SZRD1: variants seen among roughly 807,000 people sequenced by gnomAD.
The protein encoded by SZRD1 is SUZ RNA-binding domain-containing.
In SZRD1, 7 loss-of-function variants were observed where a neutral mutation model predicts 17.6. That is an observed-to-expected ratio of 0.40 (90% CI 0.23 to 0.75). The LOEUF is 0.75. Ranked by LOEUF, SZRD1 falls within the 30% of genes least tolerant of loss-of-function variation. The pLI is 0.38. For missense variants in SZRD1, 178 were observed against 201.8 expected (o/e 0.88, Z 0.71); for synonymous variants, 77 against 77.9 (o/e 0.99, Z 0.06).
chr1:16,389,211 G>A (rs2085181149), intron 1 of SZRD1, among the ~76,000 whole-genome samples: 1 of 143,302 alleles, frequency 7.0e-6, no homozygotes, highest in African/African-American at 2.6e-5. Context: ...AGCCTCCCGA[G>A]TAGCTGGGAC....
intron 1 of SZRD1, among the ~76,000 whole-genome samples, chr1:16,380,552 T>C (rs2083083788): frequency 1.3e-5 from 2 of 151,992 alleles, no homozygotes; most frequent in Non-Finnish European, 2.9e-5. Flanking sequence ...CACCACAGCC[T>C]CCACCTCCCG....
At chr1:16,369,458 A>C in intron 1 of SZRD1, 1 of 1,054,198 alleles carries the variant, frequency 9.5e-7, no homozygotes, top group Non-Finnish European at 1.5e-6. Flanking sequence ...GGGTGAGTGC[A>C]TTCAAGAGTG....
chr1:16,386,484 GA>G (rs2085122132), intron 1 of SZRD1, among the ~76,000 whole-genome samples: 1 of 152,194 alleles, frequency 6.6e-6, no homozygotes, highest in South Asian at 2.1e-4. Context: ...CACCCTGTAG[GA>G]AAGTTTTGAC....
chr1:16,392,051 C>T (rs968912321), intron 2 of SZRD1, among the ~76,000 whole-genome samples: 5 of 152,094 alleles, frequency 3.3e-5, no homozygotes, highest in African/African-American at 9.7e-5. Flanking sequence ...GATTTGCTCA[C>T]GGGGCTGCAC....
chr1:16,372,771 G>T (rs1355744130), intron 1 of SZRD1, among the ~76,000 whole-genome samples: 2 of 152,196 alleles, frequency 1.3e-5, no homozygotes, highest in Non-Finnish European at 2.9e-5. Flanking sequence ...CATCAGTGAT[G>T]CTGGATGGTG....
At chr1:16,372,961 T>A (rs2082938672) in intron 1 of SZRD1, among the ~76,000 whole-genome samples, 1 of 152,118 alleles carries the variant, frequency 6.6e-6, no homozygotes, top group Non-Finnish European at 1.5e-5. Context: ...AGTTAAGATT[T>A]GAAAGATCAG....
chr1:16,393,242 C>G lies in SZRD1; in HGVS notation c.116C>G (p.Ser39Cys), dbSNP rs1354300948. The G allele has an allele frequency of 6.2e-7, 1 of 1,614,010 alleles. No homozygotes were observed. The highest frequency in any genetic ancestry group is 1.7e-5 in the Admixed American group (1 of 60,006). Residue 39 changes from serine to cysteine, a missense_variant, in exon 3 of 4, where the codon TCT (serine) becomes TGT (cysteine). Around this residue, in one of 3 missense-constraint regions of SZRD1, gnomAD observed 117 missense variants for 108.7 expected, o/e 1.08. Transcript: ENST00000401088. The surrounding 1 kb of genome is among the most constrained non-coding windows in gnomAD (Gnocchi z 5.6). ...CTCTTTGTCAGCAGGAAATCCAAAT[C>G]TCCTCCCAAAGTGCCCATTGTGATT... Reference protein sequence around the residue: ...ITQKESRKSKSPPKVPIVIQD... With the variant: ...ITQKESRKSKCPPKVPIVIQD...
Position 16,396,295 on chromosome 1 carries a change from C to CG in SZRD1, c.*1155_*1156insG, listed in dbSNP as rs2100760762. ...TCCATTGGTGGCCCCAGCTCAGTAACTATACCTGGTACATTTCCTGTGTGC... is the reference window on the plus strand; with the variant it reads ...TCCATTGGTGGCCCCAGCTCAGTAACGTATACCTGGTACATTTCCTGTGTGC... On this transcript the variant is annotated 3_prime_UTR_variant, in exon 4 of 4. Transcript: ENST00000401088. 6.6e-6 allele frequency: 1 copy of CG among 152,416 alleles called. No individual in the cohort carries two copies. The highest frequency in any genetic ancestry group is 1.9e-4 in the East Asian group (1 of 5,178). 9.4% of individuals were successfully genotyped at this position (152,416 alleles called of 1,614,324 possible). A position where few individuals can be genotyped will look rare whatever the true frequency, so the allele number is the denominator to read the frequency against.
intron 1 of SZRD1, chr1:16,367,725 A>C (rs1015965653): frequency 5.3e-6 from 1 of 186,972 alleles, no homozygotes; most frequent in Non-Finnish European, 1.1e-5. Context: ...TGCGCGGACC[A>C]AGGAGGCATG....
rs1167385316 is a variant in SZRD1 at position 16,393,369 on chromosome 1, C to T, written c.243C>T (p.Pro81=). ...GCAGCCCCAACTCCACCAGCAGGCCCACCCTTCCAGTCAAGTCCCTAGCAC... is the reference window on the plus strand; with the variant it reads ...GCAGCCCCAACTCCACCAGCAGGCCTACCCTTCCAGTCAAGTCCCTAGCAC... The part of the protein sequence containing the change: ...VVSSPNSTSR[P]TLPVKSLAQR... The change falls in exon 3 of 4, where the codon CCC becomes CCT. Residue 81 remains proline (P), a synonymous_variant. Transcript: ENST00000401088. This position sits in a 1 kb window ranked among gnomAD's most constrained non-coding sequence, Gnocchi z 5.6. 2 of 1,614,114 alleles carry T rather than the reference C, an allele frequency of 1.2e-6. No individual in the cohort carries two copies. Among genetic ancestry groups the T allele is most frequent in the African/African-American group, 1.3e-5 (1 of 74,948 alleles).
At chr1:16,387,629 A>G (rs1018565839) in intron 1 of SZRD1, 4 of 456,692 alleles carry the variant, frequency 8.8e-6, no homozygotes, top group Admixed American at 7.0e-5. Flanking sequence ...TGCCTGGTCT[A>G]TGAAGGCATT....
At chr1:16,380,578 C>T (rs2083084271) in intron 1 of SZRD1, among the ~76,000 whole-genome samples, 2 of 152,160 alleles carry the variant, frequency 1.3e-5, no homozygotes, top group Non-Finnish European at 2.9e-5. Context: ...AAGCGATTCT[C>T]CCACCTCAGC....
intron 1 of SZRD1, among the ~76,000 whole-genome samples, chr1:16,390,395 G>A (rs967239511): frequency 3.3e-5 from 5 of 152,224 alleles, no homozygotes; most frequent in African/African-American, 4.8e-5. Flanking sequence ...AGGCCAGGGC[G>A]TGTTGGAAGG....
chr1:16,393,432 C>T lies in SZRD1; in HGVS notation c.306C>T (p.Ile102=), dbSNP rs773822169. 6 of 1,613,944 alleles carry T rather than the reference C, an allele frequency of 3.7e-6. No homozygotes were observed. The African/African-American group carries it at 8.0e-5, about 22-fold the overall frequency. The change falls in exon 3 of 4, where the codon ATC becomes ATT. Residue 102 remains isoleucine, a synonymous_variant. Transcript: ENST00000401088. This position sits in a 1 kb window ranked among gnomAD's most constrained non-coding sequence, Gnocchi z 5.6. Reference sequence around the variant, plus strand: ...AGTACGCCGAGGCCCGGAAGCGGATCCTGGGCAGCGCCAGCCCCGAGGAGG... The same window carrying T: ...AGTACGCCGAGGCCCGGAAGCGGATTCTGGGCAGCGCCAGCCCCGAGGAGG... ...EAEYAEARKR[I]LGSASPEEEQ...
Position 16,396,016 on chromosome 1 carries a change from C to A in SZRD1, c.*876C>A, listed in dbSNP as rs2085306173. 1 of 152,678 alleles carries A rather than the reference C, an allele frequency of 6.5e-6. No individual in the cohort carries two copies. Among genetic ancestry groups the A allele is most frequent in the Non-Finnish European group, 1.5e-5 (1 of 68,072 alleles). The allele number at this position is 152,678 out of a possible 1,614,324, so 9.5% of individuals were successfully genotyped here. A position where few individuals can be genotyped will look rare whatever the true frequency, so the allele number is the denominator to read the frequency against. On this transcript the variant is annotated 3_prime_UTR_variant, in exon 4 of 4. Coordinates refer to ENST00000401088, the MANE Select transcript of SZRD1 (RefSeq NM_001114600.3). ...AGTGAACCGACTTCCCCTTCCCATA[C>A]CCCTCAGGGTGGTTCCCTACCAGCC...
At position 16,393,540 on chromosome 1, in the gene SZRD1, G is replaced by A; in HGVS notation, c.356+58G>A. ...GCTGTCCCAGTCCACCCGGGAAGAG[G>A]AGAGCATCCTGGCTGCGTGTAGAGT... is the stretch of plus-strand genomic sequence containing the variant. On this transcript the variant is annotated intron_variant, in intron 3 of 3. Coordinates refer to ENST00000401088, the MANE Select transcript of SZRD1 (RefSeq NM_001114600.3). This position sits in a 1 kb window ranked among gnomAD's most constrained non-coding sequence, Gnocchi z 5.6. 6.5e-7 allele frequency: 1 copy of A among 1,533,788 alleles called. No individual in the cohort carries two copies. The highest frequency in any genetic ancestry group is 8.8e-7 in the Non-Finnish European group (1 of 1,137,694).
intron 1 of SZRD1, among the ~76,000 whole-genome samples, chr1:16,370,842 C>T (rs1009745434): frequency 6.6e-6 from 1 of 152,148 alleles, no homozygotes. Context: ...TATATTTGAA[C>T]GCTGTCTTGA....
chr1:16,384,859 C>T (rs536574687), intron 1 of SZRD1, among the ~76,000 whole-genome samples: 44 of 152,274 alleles, frequency 2.9e-4, no homozygotes, highest in South Asian at 2.1e-3. Flanking sequence ...CAGATCTCCC[C>T]GGGTCCACTT....
At chr1:16,394,363 C>T (rs2085270153) in intron 3 of SZRD1, among the ~76,000 whole-genome samples, 1 of 152,158 alleles carries the variant, frequency 6.6e-6, no homozygotes, top group African/African-American at 2.4e-5. Context: ...CTGCTGAGCT[C>T]TTGATTCCAG....
Sources: gnomAD v4.1 joint callset for allele counts (sites outside exome capture counted in the v4.1 genomes callset) on GRCh38, gnomAD v4.1.1 for gene constraint, gnomAD v4.1.1 regional missense constraint, Gnocchi (gnomAD v3.1) non-coding constraint, MANE v1.5 for transcripts, NCBI Gene and HGNC (gene_info 2026-07-23, HGNC 2026-07-21) for gene names.